The following TANGO6 variants were observed in gnomAD, a reference collection of about 807,000 sequenced individuals.
The protein encoded by TANGO6 is transport and Golgi organization protein 6 homolog.
Under a neutral mutation model 114.2 loss-of-function variants are expected in TANGO6, and 90 were observed. The observed-to-expected ratio is 0.79, with a 90% confidence interval of 0.66 to 0.94. The LOEUF is 0.94. TANGO6 is among the 40% of genes least tolerant of loss of function. TANGO6 has a pLI of 0.00. For missense variants in TANGO6, 1,274 were observed against 1,315.3 expected (o/e 0.97, Z 0.49); for synonymous variants, 477 against 509.8 (o/e 0.94, Z 0.87).
intron 4 of TANGO6, among the ~76,000 whole-genome samples, chr16:68,869,923 C>G (rs930867476): frequency 1.3e-5 from 2 of 152,060 alleles, no homozygotes; most frequent in African/African-American, 2.4e-5. Context: ...TAGAGTGGTG[C>G]GCAGTGAGTG....
chr16:68,983,025 T>C (rs1394705778), intron 15 of TANGO6, among the ~76,000 whole-genome samples: 1 of 152,060 alleles, frequency 6.6e-6, no homozygotes, highest in African/African-American at 2.4e-5. Context: ...TATTTCTTTT[T>C]TTTTATTTTG....
At chr16:68,937,745 A>G (rs1013749068) in intron 14 of TANGO6, 2 of 152,170 alleles carry the variant, frequency 1.3e-5, no homozygotes, top group African/African-American at 2.4e-5. Context: ...ATAATATTCC[A>G]TGGTATTGCT....
intron 16 of TANGO6, among the ~76,000 whole-genome samples, chr16:69,036,554 G>A (rs750727853): frequency 6.6e-6 from 1 of 152,048 alleles, no homozygotes. Flanking sequence ...GGAGTCTGGC[G>A]CATAAGTCAC....
At chr16:68,907,602 A>G (rs774719839) in intron 10 of TANGO6, 27 bp downstream of exon 10, 7 of 1,590,190 alleles carry the variant, frequency 4.4e-6, no homozygotes, top group Admixed American at 3.7e-5. Context: ...GTTCCTGGTC[A>G]GTGTTGTTCC....
At chr16:68,980,383 T>TTCTCTCTCTCTCTCTCTCTC (rs143061953) in intron 15 of TANGO6, among the ~76,000 whole-genome samples, 716 of 36,266 alleles carry the variant, frequency 0.02, 55 homozygotes, top group Non-Finnish European at 0.027. Flanking sequence ...CTGTCTGTCA[T>TTCTCTCTCTCTCTCTCTCTC]TCTCTCTCTC....
At chr16:69,073,586 C>G (rs896968361) in intron 17 of TANGO6, among the ~76,000 whole-genome samples, 5 of 152,172 alleles carry the variant, frequency 3.3e-5, no homozygotes, top group African/African-American at 1.2e-4. Flanking sequence ...GAGAGTCATC[C>G]TCTGCCGGGA....
intron 5 of TANGO6, among the ~76,000 whole-genome samples, chr16:68,876,362 C>T (rs1185352): frequency 2.6e-5 from 4 of 151,978 alleles, no homozygotes; most frequent in Non-Finnish European, 4.4e-5. Flanking sequence ...GGTTTCTCCA[C>T]GTTGGTCAGG....
chr16:68,918,756 A>G (rs1353780603), intron 11 of TANGO6, among the ~76,000 whole-genome samples: 1 of 152,206 alleles, frequency 6.6e-6, no homozygotes, highest in Non-Finnish European at 1.5e-5. Flanking sequence ...TACATGTGAA[A>G]CACTTGGGAG....
rs114059327 is a variant in TANGO6, at chr16:68,985,728, T to A, written c.2842+11560T>A. 8.0e-3 allele frequency among the ~76,000 whole-genome samples: 1,223 copies of A among 152,294 alleles called. 17 individuals are homozygous for A. Among genetic ancestry groups the A allele is most frequent in the African/African-American group, 0.027 (1,126 of 41,572 alleles). ...ACCCTGTCTCAAAAAACACATTTTT[T>A]AAATTTAATTTTAAAAGATACTTAG... On this transcript the variant is annotated intron_variant, in intron 15 of 17. Coordinates refer to ENST00000261778, the MANE Select transcript of TANGO6 (RefSeq NM_024562.2).
chr16:68,973,881 ACT>A, intron 14 of TANGO6, 145 bp from the exon 15 acceptor site: 1 of 867,746 alleles, frequency 1.2e-6, no homozygotes, highest in East Asian at 2.7e-5. Context: ...CACTATGCTG[ACT>A]CTCCAAACAA....
intron 17 of TANGO6, among the ~76,000 whole-genome samples, chr16:69,054,306 G>A (rs1959998400): frequency 6.6e-6 from 1 of 152,170 alleles, no homozygotes; most frequent in Non-Finnish European, 1.5e-5. Flanking sequence ...GGTTGGGGAG[G>A]GGCAGTTACC....
intron 5 of TANGO6, among the ~76,000 whole-genome samples, chr16:68,875,894 G>C (rs181697126): frequency 1.1e-4 from 17 of 152,182 alleles, no homozygotes; most frequent in African/African-American, 3.9e-4. Context: ...TTTTTAGTTA[G>C]TTTTTAAAGG....
chr16:68,981,724 A>G (rs1418546552), intron 15 of TANGO6, among the ~76,000 whole-genome samples: 2 of 151,804 alleles, frequency 1.3e-5, no homozygotes, highest in Admixed American at 6.6e-5. Context: ...TGTAGACCAC[A>G]CTCCTTTCTC....
chr16:68,922,660 C>T (rs1296044715), intron 12 of TANGO6, among the ~76,000 whole-genome samples: 3 of 152,084 alleles, frequency 2.0e-5, no homozygotes, highest in Non-Finnish European at 4.4e-5. Flanking sequence ...TTGGTTACTC[C>T]TCCCTGTCCC....
chr16:69,071,218 T>C (rs757045482), intron 17 of TANGO6, among the ~76,000 whole-genome samples: 1 of 152,194 alleles, frequency 6.6e-6, no homozygotes. Flanking sequence ...ATGCCTAACT[T>C]CTGGAAATGC....
chr16:68,887,654 A>G (rs1962556675), intron 7 of TANGO6, among the ~76,000 whole-genome samples: 1 of 152,150 alleles, frequency 6.6e-6, no homozygotes, highest in African/African-American at 2.4e-5. Context: ...AGGCGGGCAA[A>G]TCACTTGAGG....
At chr16:69,063,496 G>C (rs997251685) in intron 17 of TANGO6, among the ~76,000 whole-genome samples, 7 of 151,208 alleles carry the variant, frequency 4.6e-5, no homozygotes, top group Non-Finnish European at 1.0e-4. Flanking sequence ...CCGCACTCCA[G>C]CCTGGGCGAC....
At chr16:69,062,766 C>A (rs999035888) in intron 17 of TANGO6, among the ~76,000 whole-genome samples, 2 of 146,226 alleles carry the variant, frequency 1.4e-5, no homozygotes, top group African/African-American at 2.5e-5. Context: ...AGCCACCGCA[C>A]CCGGCCCATA....
intron 17 of TANGO6, among the ~76,000 whole-genome samples, chr16:69,072,049 G>GTT (rs1555530580): frequency 6.8e-6 from 1 of 147,068 alleles, no homozygotes; most frequent in African/African-American, 2.6e-5. Context: ...GTGTGTGTGT[G>GTT]TGTGTGTGTG....
Sources: gnomAD v4.1 joint callset for allele counts (sites outside exome capture counted in the v4.1 genomes callset) on GRCh38, gnomAD v4.1.1 for gene constraint, MANE v1.5 for transcripts, NCBI Gene and HGNC (gene_info 2026-07-23, HGNC 2026-07-21) for gene names.